The following GIT2 variants were observed in gnomAD, a reference collection of about 807,000 sequenced individuals.
GIT2 encodes the protein ARF GTPase-activating protein GIT2.
A neutral mutation model predicts 100.3 loss-of-function variants in GIT2; 32 were observed. The ratio of observed to expected loss-of-function variants is 0.32; its 90% CI spans 0.24 to 0.43. The LOEUF (loss-of-function observed/expected upper bound fraction) is 0.43. GIT2 is among the 20% of genes least tolerant of loss of function. The probability of loss-of-function intolerance (pLI) is 1.00; values close to 1 mark genes in which losing one functional copy is unlikely to be tolerated. For missense variants in GIT2, 737 were observed against 975.1 expected (o/e 0.76, Z 3.25); for synonymous variants, 353 against 364.1 (o/e 0.97, Z 0.35).
chr12:109,999,885 C>T (rs142171033), upstream of GIT2: 47 of 1,073,160 alleles, frequency 4.4e-5, no homozygotes, highest in African/African-American at 6.3e-4. This position sits in a 1 kb window ranked among gnomAD's most constrained non-coding sequence, Gnocchi z 4.3. Context: ...TCCCCGGGAT[C>T]CCCAGACCCC....
rs147093442 is a variant in GIT2 at position 109,939,178 on chromosome 12, G to A, written c.1801C>T (p.Pro601Ser). 8 of 1,606,856 alleles carry A rather than the reference G, an allele frequency of 5.0e-6. No homozygotes were observed. In the East Asian group the frequency reaches 1.1e-4, roughly 22 times the overall value. ...DYDNTPNDME[P>S]DGMGSSRKGR... Reference sequence around the variant, plus strand: ...CTGTGCATGTACCCCATGCCATCTGGCTCCATGTCGTTGGGAGTGTTGTCG... The same window carrying A: ...CTGTGCATGTACCCCATGCCATCTGACTCCATGTCGTTGGGAGTGTTGTCG... The change falls in exon 17 of 20, where the codon CCA becomes TCA. Residue 601 changes from proline (P) to serine (S), a missense_variant. This residue lies in a region of GIT2 where 451 missense variants were observed against 543.7 expected (regional missense o/e 0.83). Transcript: ENST00000355312.
chr12:109,942,367 G>A (rs189097454), intron 16 of GIT2, among the ~76,000 whole-genome samples: 5 of 151,950 alleles, frequency 3.3e-5, no homozygotes, highest in South Asian at 2.1e-4. Flanking sequence ...TTGCTCTGTC[G>A]CCCAGGCTGG....
At chr12:109,969,512 T>C (rs1046710388) in intron 7 of GIT2, among the ~76,000 whole-genome samples, 1 of 152,086 alleles carries the variant, frequency 6.6e-6, no homozygotes, top group African/African-American at 2.4e-5. Flanking sequence ...ATATTTTCTT[T>C]TATGCATTGA....
chr12:109,976,343 G>C (rs1565996627), intron 7 of GIT2, among the ~76,000 whole-genome samples: 3 of 145,202 alleles, frequency 2.1e-5, no homozygotes. Flanking sequence ...GGAGTGCAGT[G>C]GTGCAATCTC....
chr12:109,966,654 C>CA lies in GIT2; in HGVS notation c.764+803dup, dbSNP rs201735448. Among the ~76,000 whole-genome samples the CA allele has an allele frequency of 2.2e-3, 310 of 143,328 alleles. 2 individuals are homozygous for CA. The highest frequency in any genetic ancestry group is 4.0e-3 in the Non-Finnish European group (258 of 65,194). 94.0% of individuals were successfully genotyped at this position (143,328 alleles called of 152,430 possible). A position where few individuals can be genotyped will look rare whatever the true frequency, so the allele number is the denominator to read the frequency against. ...GAGCAAGACCCTGTCTCTACCAAAGCAAAAAAAAACAAAACAAAACAAAAC... is the reference window on the plus strand; with the variant it reads ...GAGCAAGACCCTGTCTCTACCAAAGCAAAAAAAAAACAAAACAAAACAAAAC... On this transcript the variant is annotated intron_variant, in intron 8 of 19. Transcript: ENST00000355312.
intron 15 of GIT2, 60 bp from the exon 16 acceptor site, chr12:109,945,409 C>T: frequency 1.2e-6 from 1 of 818,196 alleles, no homozygotes; most frequent in African/African-American, 1.7e-5. Context: ...AACCTACCAC[C>T]TTGCCAGCTT....
chr12:109,983,935 G>A, intron 4 of GIT2: 1 of 456,468 alleles, frequency 2.2e-6, no homozygotes, highest in South Asian at 2.5e-5. Flanking sequence ...TTGCCCAAAT[G>A]CATGACTTAT....
At chr12:109,963,531 G>T (rs778847354) in intron 9 of GIT2, among the ~76,000 whole-genome samples, 1 of 152,220 alleles carries the variant, frequency 6.6e-6, no homozygotes, top group South Asian at 2.1e-4. Context: ...AACTGAGGCA[G>T]AGAAGATAGT....
chr12:109,986,633 C>T (rs938816136), intron 4 of GIT2, among the ~76,000 whole-genome samples: 1 of 152,222 alleles, frequency 6.6e-6, no homozygotes, highest in Admixed American at 6.5e-5. Flanking sequence ...GGTGTGGTGG[C>T]GGACGCCTGT....
At chr12:109,969,986 C>A (rs1252701531) in intron 7 of GIT2, among the ~76,000 whole-genome samples, 1 of 151,964 alleles carries the variant, frequency 6.6e-6, no homozygotes, top group Non-Finnish European at 1.5e-5. Context: ...AAACTCCTGA[C>A]CTCAGGTGAT....
chr12:109,998,949 T>C (rs1023629091), upstream of GIT2: 2 of 152,208 alleles, frequency 1.3e-5, no homozygotes, highest in East Asian at 3.8e-4. Context: ...AGTAGAAATA[T>C]CCCCTTTTAT....
At chr12:109,975,992 A>C (rs1203178932) in intron 7 of GIT2, among the ~76,000 whole-genome samples, 1 of 151,512 alleles carries the variant, frequency 6.6e-6, no homozygotes, top group Admixed American at 6.6e-5. Flanking sequence ...GGATGGTCTC[A>C]ATCTCTTGAC....
chr12:109,976,105 T>TACACACACAC (rs145928011), intron 7 of GIT2, among the ~76,000 whole-genome samples: 13,926 of 149,010 alleles, frequency 0.093, 1,831 homozygotes, highest in African/African-American at 0.3. Flanking sequence ...GAAATTACTA[T>TACACACACAC]ACACACACAC....
chr12:109,993,095 T>C (rs1456847916), intron 1 of GIT2, among the ~76,000 whole-genome samples: 1 of 152,194 alleles, frequency 6.6e-6, no homozygotes, highest in Non-Finnish European at 1.5e-5. Context: ...ATAATATTTT[T>C]AGTGTGTGTA....
intron 7 of GIT2, among the ~76,000 whole-genome samples, chr12:109,978,397 T>G (rs1448924311): frequency 1.3e-5 from 2 of 152,114 alleles, no homozygotes; most frequent in African/African-American, 4.8e-5. Context: ...TTTAGAGGGT[T>G]TTTTTGGCCA....
Position 109,945,309 on chromosome 12 carries a change from G to T in GIT2, c.1682C>A (p.Pro561His). ...CCAGGAAAGTGTGGAGGGGAAGGAA[G>T]GCAGAGATGAAGAGGAGGTCACAAG... Reference protein sequence around the residue: ...SALVTSSSSLPSFPSTLSWSR... With the variant: ...SALVTSSSSLHSFPSTLSWSR... Residue 561 changes from proline (P) to histidine (H), a missense_variant, in exon 16 of 20, where the codon CCT becomes CAT. Coordinates refer to ENST00000355312, the MANE Select transcript of GIT2 (RefSeq NM_057169.5). The T allele has an allele frequency of 6.3e-7, 1 of 1,588,186 alleles. No homozygotes were observed. Among genetic ancestry groups the T allele is most frequent in the South Asian group, 1.1e-5 (1 of 90,456 alleles).
chr12:109,991,834 G>C (rs1888461697), intron 1 of GIT2, 74 bp from the exon 2 acceptor site: 1 of 1,369,064 alleles, frequency 7.3e-7, no homozygotes, highest in African/African-American at 1.5e-5. Flanking sequence ...AAAGATGACT[G>C]AAGTTTGGTT....
rs1871529019 is a variant in GIT2 at position 109,930,895 on chromosome 12, A to G, written c.*2083T>C. 1.3e-5 allele frequency: 2 copies of G among 152,264 alleles called. No homozygotes were observed. Among genetic ancestry groups the G allele is most frequent in the South Asian group, 2.1e-4 (1 of 4,832 alleles). The allele number at this position is 152,264 out of a possible 1,614,324, so 9.4% of individuals were successfully genotyped here. On this transcript the variant is annotated 3_prime_UTR_variant, in exon 20 of 20. Transcript: ENST00000355312. ...TGAAGCCTGCAGAAAAGGCTATCAG[A>G]TGGCGCCTGAACTTAAGGTGGGAGG...
At position 109,947,086 on chromosome 12, in the gene GIT2, T is replaced by C. The variant is rs570518649; in HGVS notation, c.1641+170A>G. Among the ~76,000 whole-genome samples the C allele has an allele frequency of 2.2e-4, 33 of 152,156 alleles. No individual in the cohort carries two copies. The highest frequency in any genetic ancestry group is 8.0e-4 in the African/African-American group (33 of 41,498). On this transcript the variant is annotated intron_variant, in intron 15 of 19. Transcript: ENST00000355312. The surrounding 1 kb of genome is among the most constrained non-coding windows in gnomAD (Gnocchi z 4.3). ...CCATCAGCCCATGGCCCTGTGTGCT[T>C]GTGGGAATATCGCAAGCATCTGTGG...
Sources: gnomAD v4.1 joint callset for allele counts (sites outside exome capture counted in the v4.1 genomes callset) on GRCh38, gnomAD v4.1.1 for gene constraint, gnomAD v4.1.1 regional missense constraint, Gnocchi (gnomAD v3.1) non-coding constraint, MANE v1.5 for transcripts, NCBI Gene and HGNC (gene_info 2026-07-23, HGNC 2026-07-21) for gene names.